Variants in CHSY1 observed in about 807,000 individuals in gnomAD.
CHSY1 encodes the protein chondroitin sulfate synthase 1.
In CHSY1, 13 loss-of-function variants were observed where a neutral mutation model predicts 59.8. The ratio of observed to expected loss-of-function variants is 0.22; its 90% CI spans 0.14 to 0.35. The LOEUF (loss-of-function observed/expected upper bound fraction) is 0.35. Ranked by LOEUF, CHSY1 falls within the 10% of genes least tolerant of loss-of-function variation. The probability of loss-of-function intolerance (pLI) is 1.00; values close to 1 mark genes in which losing one functional copy is unlikely to be tolerated. For missense variants in CHSY1, 947 were observed against 1,030.6 expected, an observed-to-expected ratio of 0.92 and a Z score of 1.11; for synonymous variants, 459 against 401.2, an observed-to-expected ratio of 1.14 and a Z score of -1.72.
intron 2 of CHSY1, among the ~76,000 whole-genome samples, chr15:101,203,217 C>T (rs1009510604): frequency 5.9e-5 from 9 of 152,178 alleles, no homozygotes; most frequent in East Asian, 1.9e-4. Flanking sequence ...GCAGCGTGGG[C>T]GCCCACAGCA....
chr15:101,218,171 T>C (rs540993488), intron 2 of CHSY1, among the ~76,000 whole-genome samples: 3 of 152,274 alleles, frequency 2.0e-5, no homozygotes, highest in Admixed American at 6.5e-5. Context: ...AAACAAGGAA[T>C]GCCTAAGACA....
intron 2 of CHSY1, among the ~76,000 whole-genome samples, chr15:101,234,220 G>A (rs939676654): frequency 1.3e-5 from 2 of 152,230 alleles, no homozygotes; most frequent in Admixed American, 6.5e-5. Context: ...TATTCTGAAA[G>A]CAACAACTAT....
chr15:101,235,422 T>C lies in CHSY1; in HGVS notation c.476A>G (p.His159Arg). The change falls in exon 2 of 3, where the codon CAC becomes CGC. Residue 159 changes from histidine (H) to arginine (R), a missense_variant. By Grantham distance (29) the His-to-Arg change is conservative (BLOSUM62 0). This residue lies in a region of CHSY1 where 108 missense variants were observed against 144.4 expected (regional missense o/e 0.75). Transcript: ENST00000254190. ...AAACCATTCATACTTGTCCAAGTAG[T>C]GGTCGTGCATGTACTTGAGCATCAT... ...SFMMLKYMHD[H>R]YLDKYEWFMR... 1 of 1,614,166 alleles carries C rather than the reference T, an allele frequency of 6.2e-7. No individual in the cohort carries two copies. The highest frequency in any genetic ancestry group is 8.5e-7 in the Non-Finnish European group (1 of 1,180,016).
At chr15:101,234,928 G>C (rs889253812) in intron 2 of CHSY1, among the ~76,000 whole-genome samples, 154 bp downstream of exon 2, 11 of 129,914 alleles carry the variant, frequency 8.5e-5, no homozygotes, top group African/African-American at 4.0e-4. Context: ...AAGGGGAACT[G>C]AATTTTTTTT....
At chr15:101,217,307 T>C (rs2038743868) in intron 2 of CHSY1, among the ~76,000 whole-genome samples, 1 of 152,238 alleles carries the variant, frequency 6.6e-6, no homozygotes, top group African/African-American at 2.4e-5. Context: ...CAATTCATGC[T>C]TAGCTTAATA....
rs1214412591 is a variant in CHSY1, at chr15:101,228,356, C to A, written c.816+6726G>T. ...AAAAATCTCCAAATTTGATGAAAAA[C>A]AAGCCACATAACCAAGAGACACAAC... On this transcript the variant is annotated intron_variant, in intron 2 of 2. Transcript: ENST00000254190. Among the ~76,000 whole-genome samples the A allele has an allele frequency of 2.0e-5, 3 of 151,994 alleles. No homozygotes were observed. The East Asian group carries it at 5.8e-4, about 29-fold the overall frequency.
At chr15:101,225,287 T>G (rs1460825878) in intron 2 of CHSY1, among the ~76,000 whole-genome samples, 3 of 152,196 alleles carry the variant, frequency 2.0e-5, no homozygotes, top group Non-Finnish European at 4.4e-5. Flanking sequence ...AGGCTGGTCT[T>G]GAACTCCTGG....
At chr15:101,212,230 G>T in intron 2 of CHSY1, among the ~76,000 whole-genome samples, 1 of 151,928 alleles carries the variant, frequency 6.6e-6, no homozygotes, top group African/African-American at 2.4e-5. Flanking sequence ...AATAAGATAC[G>T]GCTACTTTGG....
At chr15:101,205,300 T>C (rs918892154) in intron 2 of CHSY1, among the ~76,000 whole-genome samples, 2 of 152,148 alleles carry the variant, frequency 1.3e-5, no homozygotes, top group African/African-American at 4.8e-5. Flanking sequence ...TAATTTCCAG[T>C]GCCTCCCAGT....
chr15:101,177,928 A>G lies in CHSY1; in HGVS notation c.1869T>C (p.Asn623=), dbSNP rs772337306. ...CGTCGCAGAAGAAGAGCAAAGATTC[A>G]TTGTTAAACTGGGAGGATCCTACTT... ...ALEVGSSQFN[N]ESLLFFCDVD... is the part of the protein sequence containing the mutation. The change falls in exon 3 of 3, where the codon AAT becomes AAC. Residue 623 remains asparagine, a synonymous_variant. Coordinates refer to ENST00000254190, the MANE Select transcript of CHSY1 (RefSeq NM_014918.5). The G allele has an allele frequency of 1.2e-6, 2 of 1,614,100 alleles. No individual in the cohort carries two copies. Among genetic ancestry groups the G allele is most frequent in the African/African-American group, 2.7e-5 (2 of 74,934 alleles).
At chr15:101,245,606 C>T (rs564295791) in intron 1 of CHSY1, among the ~76,000 whole-genome samples, 1 of 152,152 alleles carries the variant, frequency 6.6e-6, no homozygotes, top group African/African-American at 2.4e-5. Context: ...GTGAAGCTGC[C>T]GGTGCAATGG....
intron 2 of CHSY1, among the ~76,000 whole-genome samples, chr15:101,180,980 T>C (rs374700782): frequency 1.3e-4 from 20 of 152,344 alleles, no homozygotes; most frequent in South Asian, 1.0e-3. Flanking sequence ...TGAGAAAGGT[T>C]ATTTGCAGGC....
chr15:101,251,065 A>G (rs2039104199), intron 1 of CHSY1, 72 bp downstream of exon 1: 1 of 1,419,482 alleles, frequency 7.0e-7, no homozygotes, highest in Non-Finnish European at 9.5e-7. Context: ...GGCGAGAGCC[A>G]GGAGAGCACC....
intron 2 of CHSY1, among the ~76,000 whole-genome samples, chr15:101,223,993 T>C (rs1450175221): frequency 6.6e-6 from 1 of 152,262 alleles, no homozygotes; most frequent in Non-Finnish European, 1.5e-5. Flanking sequence ...CTTTCATATG[T>C]TGTGATATGT....
At position 101,251,348 on chromosome 15, in the gene CHSY1, C is replaced by G; in HGVS notation, c.109G>C (p.Ala37Pro). 1 of 1,144,662 alleles carries G rather than the reference C, an allele frequency of 8.7e-7. No individual in the cohort carries two copies. Among genetic ancestry groups the G allele is most frequent in the African/African-American group, 1.7e-5 (1 of 60,190 alleles). The allele number at this position is 1,144,662 out of a possible 1,614,324, so 70.9% of individuals were successfully genotyped here. ...VLPRASELKR[A>P]GPRRRASPEG... is the part of the protein sequence containing the mutation. ...GGGCTGGCGCGGCGCCGTGGGCCCG[C>G]TCGCTTCAGCTCGGAAGCCCGGGGC... The change falls in exon 1 of 3, where the codon GCG becomes CCG. Residue 37 changes from alanine (A) to proline (P), a missense_variant. Ala to Pro is a conservative substitution (Grantham distance 27). Coordinates refer to ENST00000254190, the MANE Select transcript of CHSY1 (RefSeq NM_014918.5).
chr15:101,178,833 G>A lies in CHSY1; in HGVS notation c.964C>T (p.Arg322Cys), dbSNP rs759168955. The change falls in exon 3 of 3, where the codon CGC (arginine) becomes TGC (cysteine). Residue 322 changes from arginine to cysteine, a missense_variant. Around this residue, in one of 4 missense-constraint regions of CHSY1, gnomAD observed 602 missense variants for 676.9 expected, o/e 0.89. Transcript: ENST00000254190. ...QYRLHSYMLS[R>C]KISELRHRTI... ...CGATGGCGGAGCTCGGATATCTTGC[G>A]GCTCAGCATGTAGCTGTGGAGCCTG... The A allele has an allele frequency of 1.8e-5, 29 of 1,614,048 alleles. No homozygotes were observed. Among genetic ancestry groups the A allele is most frequent in the African/African-American group, 6.7e-5 (5 of 74,906 alleles).
Position 101,176,849 on chromosome 15 carries a change from A to G in CHSY1, c.*539T>C, listed in dbSNP as rs1158408469. 1.9e-5 allele frequency: 3 copies of G among 159,872 alleles called. No individual in the cohort carries two copies. Among genetic ancestry groups the G allele is most frequent in the Non-Finnish European group, 2.7e-5 (2 of 73,354 alleles). The allele number at this position is 159,872 out of a possible 1,614,324, so 9.9% of individuals were successfully genotyped here. A position where few individuals can be genotyped will look rare whatever the true frequency, so the allele number is the denominator to read the frequency against. On this transcript the variant is annotated 3_prime_UTR_variant, in exon 3 of 3. Coordinates refer to ENST00000254190, the MANE Select transcript of CHSY1 (RefSeq NM_014918.5). ...AAACCTACGTGGCCATGCTGAGCAG[A>G]GTACCATGAGAGGAAATGATCAACT... is the stretch of plus-strand genomic sequence containing the variant.
At chr15:101,205,716 C>G (rs2038617393) in intron 2 of CHSY1, among the ~76,000 whole-genome samples, 1 of 152,086 alleles carries the variant, frequency 6.6e-6, no homozygotes, top group African/African-American at 2.4e-5. Flanking sequence ...CTTTGGGAGG[C>G]TGAGGTGGGT....
At chr15:101,215,725 ACT>A (rs2038726043) in intron 2 of CHSY1, among the ~76,000 whole-genome samples, 1 of 152,134 alleles carries the variant, frequency 6.6e-6, no homozygotes, top group South Asian at 2.1e-4. Flanking sequence ...ACAAATCGAG[ACT>A]CTGTCTCAAA....
Sources: allele counts gnomAD v4.1 joint callset (sites outside exome capture counted in the v4.1 genomes callset), GRCh38; gene constraint gnomAD v4.1.1; regional missense constraint gnomAD v4.1.1; transcripts MANE v1.5; gene names NCBI Gene and HGNC (gene_info 2026-07-23, HGNC 2026-07-21).